The following ISLR2 variants were observed in gnomAD, a reference collection of about 807,000 sequenced individuals.
ISLR2 encodes immunoglobulin superfamily containing leucine-rich repeat protein 2.
ISLR2 carries 16 observed loss-of-function variants against 25.5 expected under a neutral mutation model. The observed-to-expected ratio is 0.63, with a 90% CI of 0.43 to 0.95. The LOEUF (loss-of-function observed/expected upper bound fraction) is 0.95. Ranked by LOEUF, ISLR2 falls within the 40% of genes least tolerant of loss-of-function variation. ISLR2 has a pLI of 0.00. For missense variants in ISLR2, 883 were observed against 1,030.7 expected, an observed-to-expected ratio of 0.86 and a Z score of 1.96; for synonymous variants, 508 against 486.6, an observed-to-expected ratio of 1.04 and a Z score of -0.58.
chr15:74,124,387 A>G (rs577077038), upstream of ISLR2, among the ~76,000 whole-genome samples: 146 of 152,218 alleles, frequency 9.6e-4, no homozygotes, highest in Non-Finnish European at 1.7e-3. Flanking sequence ...TCCTATGACA[A>G]TAGGTGTCAA....
At chr15:74,114,409 C>T (rs1187928487) in intron 2 of ISLR2, among the ~76,000 whole-genome samples, 3 of 152,080 alleles carry the variant, frequency 2.0e-5, no homozygotes, top group South Asian at 2.1e-4. Context: ...GAAAAAGAAG[C>T]GCAAATGCCA....
chr15:74,134,976 G>A lies in ISLR2; in HGVS notation c.2222G>A (p.Arg741Lys). ...NIAQEINGNY[R>K]QTAG ...GCCCAGGAGATTAATGGCAACTACA[G>A]GCAGACGGCAGGCTGAACCTCCGCC... Residue 741 changes from arginine (R) to lysine (K), a missense_variant, in exon 3 of 3, where the codon AGG (arginine) becomes AAG (lysine). Arg to Lys is a conservative substitution (Grantham distance 26). Around this residue, in one of 2 missense-constraint regions of ISLR2, gnomAD observed 612 missense variants for 642.8 expected, o/e 0.95. Transcript: ENST00000453268. 1 of 1,612,450 alleles carries A rather than the reference G, an allele frequency of 6.2e-7. No individual in the cohort carries two copies. The highest frequency in any genetic ancestry group is 1.1e-5 in the South Asian group (1 of 91,022).
At chr15:74,128,168 C>T (rs967291810), upstream of ISLR2, 6 of 299,874 alleles carry the variant, frequency 2.0e-5, no homozygotes, top group South Asian at 1.4e-4. Context: ...GGACGAGGTG[C>T]GCGCAGTCTT....
At position 74,136,217 on chromosome 15, in the gene ISLR2, G is replaced by C. The variant is rs1216393461; in HGVS notation, c.*1225G>C. On this transcript the variant is annotated 3_prime_UTR_variant, in exon 3 of 3. Transcript: ENST00000453268. The stretch of plus-strand genomic sequence containing the variant: ...CGTGTGTTGGGCTTTCCGGAGGTCT[G>C]TGCGCCCAACAGCGCCGCTCCCGCG... The C allele has an allele frequency of 1.2e-5, 2 of 166,682 alleles. No individual in the cohort carries two copies. The highest frequency in any genetic ancestry group is 4.8e-5 in the African/African-American group (2 of 41,466). The allele number at this position is 166,682 out of a possible 1,614,324, so 10.3% of individuals were successfully genotyped here.
chr15:74,119,312 G>A (rs371192965), intron 2 of ISLR2, among the ~76,000 whole-genome samples: 108 of 152,204 alleles, frequency 7.1e-4, no homozygotes, highest in Admixed American at 1.6e-3. Flanking sequence ...TTGGGCCCAA[G>A]TGATCCTTCC....
chr15:74,100,508 A>C, intron 1 of ISLR2: 1 of 230,848 alleles, frequency 4.3e-6, no homozygotes, highest in Non-Finnish European at 7.7e-6. Flanking sequence ...TCGTTAACTT[A>C]AGGGGGTAGG....
intron 1 of ISLR2, among the ~76,000 whole-genome samples, 176 bp downstream of exon 1, chr15:74,130,797 G>A (rs1181998102): frequency 1.3e-5 from 2 of 152,096 alleles, no homozygotes; most frequent in Non-Finnish European, 2.9e-5. Context: ...GAGGGTGTGA[G>A]GGACTGTGTG....
chr15:74,110,795 A>C (rs2072159294), intron 2 of ISLR2, among the ~76,000 whole-genome samples: 1 of 152,142 alleles, frequency 6.6e-6, no homozygotes, highest in Non-Finnish European at 1.5e-5. Flanking sequence ...CATCTCTACT[A>C]AAAATACAAA....
chr15:74,133,644 C>T lies in ISLR2; in HGVS notation c.890C>T (p.Ala297Val). 1.2e-6 allele frequency: 2 copies of T among 1,612,754 alleles called. No homozygotes were observed. The highest frequency in any genetic ancestry group is 2.2e-5 in the East Asian group (1 of 44,804). ...VLSGEDDGVG[A>V]EEGEGEGDGD... The stretch of plus-strand genomic sequence containing the variant: ...AGCGGGGAGGACGACGGGGTTGGGG[C>T]GGAGGAAGGAGAGGGAGAAGGAGAT... The change falls in exon 3 of 3, where the codon GCG (alanine) becomes GTG (valine). Residue 297 changes from alanine (A) to valine (V), a missense_variant. Physicochemically the swap from Ala to Val is moderately conservative, Grantham distance 64 (BLOSUM62 0). Around this residue, in one of 2 missense-constraint regions of ISLR2, gnomAD observed 612 missense variants for 642.8 expected, o/e 0.95. Transcript: ENST00000453268.
At position 74,134,410 on chromosome 15, in the gene ISLR2, C is replaced by G; in HGVS notation, c.1656C>G (p.Ala552=). The change falls in exon 3 of 3, where the codon GCC becomes GCG. Residue 552 remains alanine (A), a synonymous_variant. Coordinates refer to ENST00000453268, the MANE Select transcript of ISLR2 (RefSeq NM_020851.3). The part of the protein sequence containing the change: ...QWSRVEEGVN[A]YWFRGLRPGT... ...CCCGCGTAGAGGAAGGCGTCAACGC[C>G]TACTGGTTCCGCGGCCTGCGGCCGG... 1 of 1,611,814 alleles carries G rather than the reference C, an allele frequency of 6.2e-7. No individual in the cohort carries two copies. The highest frequency in any genetic ancestry group is 8.5e-7 in the Non-Finnish European group (1 of 1,179,588).
chr15:74,117,025 T>C (rs984329417), intron 2 of ISLR2, among the ~76,000 whole-genome samples: 7 of 152,314 alleles, frequency 4.6e-5, no homozygotes, highest in Admixed American at 1.3e-4. Context: ...GGGATCCATT[T>C]ATTACCTAGC....
At chr15:74,111,292 T>C (rs2141929819) in intron 2 of ISLR2, among the ~76,000 whole-genome samples, 1 of 152,122 alleles carries the variant, frequency 6.6e-6, no homozygotes, top group East Asian at 1.9e-4. Flanking sequence ...TTTTTTCGTT[T>C]GGTTTTTGTT....
At chr15:74,137,210 TCCACATCAG>T (rs2072579110), downstream of ISLR2, among the ~76,000 whole-genome samples, 1 of 152,220 alleles carries the variant, frequency 6.6e-6, no homozygotes, top group Admixed American at 6.5e-5. Context: ...TTTCTGTGTC[TCCACATCAG>T]CCTTTGAGTT....
rs1271458376 is a variant in ISLR2, at chr15:74,133,862, G to T, written c.1108G>T (p.Val370Leu). The T allele has an allele frequency of 6.2e-7, 1 of 1,612,592 alleles. No individual in the cohort carries two copies. Among genetic ancestry groups the T allele is most frequent in the South Asian group, 1.1e-5 (1 of 90,840 alleles). Residue 370 changes from valine (V) to leucine (L), a missense_variant, in exon 3 of 3, where the codon GTG (valine) becomes TTG (leucine). Coordinates refer to ENST00000453268, the MANE Select transcript of ISLR2 (RefSeq NM_020851.3). ...ELGANSTSIRVAVAATGPPKH... is the reference protein window; with the variant it reads ...ELGANSTSIRLAVAATGPPKH... ...GGGCGCCAACTCTACGTCAATACGCGTGGCGGTGGCAGCAACCGGGCCCCC... is the reference window on the plus strand; with the variant it reads ...GGGCGCCAACTCTACGTCAATACGCTTGGCGGTGGCAGCAACCGGGCCCCC...
chr15:74,128,408 G>T (rs756763884), upstream of ISLR2: 1 of 454,232 alleles, frequency 2.2e-6, no homozygotes, highest in Middle Eastern at 3.8e-4. Context: ...TCCCGCCCAG[G>T]GGTGGTCACC....
At chr15:74,124,785 AT>A (rs1346695301), upstream of ISLR2, among the ~76,000 whole-genome samples, 1 of 152,142 alleles carries the variant, frequency 6.6e-6, no homozygotes, top group African/African-American at 2.4e-5. Context: ...AAAAAACACA[AT>A]AGGTATGTTT....
chr15:74,102,093 G>A (rs949304416), intron 1 of ISLR2, among the ~76,000 whole-genome samples: 1 of 148,788 alleles, frequency 6.7e-6, no homozygotes, highest in African/African-American at 2.5e-5. Flanking sequence ...GGTGCTGGGT[G>A]CCTGTAATCC....
rs1567164112 is a variant in ISLR2 at position 74,134,327 on chromosome 15, C to G, written c.1573C>G (p.Arg525Gly). 1 of 1,539,686 alleles carries G rather than the reference C, an allele frequency of 6.5e-7. No homozygotes were observed. The highest frequency in any genetic ancestry group is 2.4e-5 in the East Asian group (1 of 41,422). Residue 525 changes from arginine to glycine, a missense_variant, in exon 3 of 3, where the codon CGA becomes GGA. By Grantham distance (125) the Arg-to-Gly change is moderately radical. Around this residue, in one of 2 missense-constraint regions of ISLR2, gnomAD observed 612 missense variants for 642.8 expected, o/e 0.95. Coordinates refer to ENST00000453268, the MANE Select transcript of ISLR2 (RefSeq NM_020851.3). ...TGGCGGAGCCCCGCGACCCGGGCGG[C>G]GACCCCTGCGCCTACTCTATCTGTG... Reference protein sequence around the residue: ...GAGGAPRPGRRPLRLLYLCPA... With the variant: ...GAGGAPRPGRGPLRLLYLCPA...
upstream of ISLR2, among the ~76,000 whole-genome samples, chr15:74,125,190 G>A (rs962052862): frequency 4.6e-5 from 7 of 152,018 alleles, no homozygotes; most frequent in Admixed American, 1.3e-4. Flanking sequence ...TTTGCATCCC[G>A]CCCCCCTTAC....
Sources: gnomAD v4.1 joint callset for allele counts (sites outside exome capture counted in the v4.1 genomes callset) on GRCh38, gnomAD v4.1.1 for gene constraint, gnomAD v4.1.1 regional missense constraint, MANE v1.5 for transcripts, NCBI Gene and HGNC (gene_info 2026-07-23, HGNC 2026-07-21) for gene names.